The following TRERF1 variants were observed in gnomAD, a reference collection of about 807,000 sequenced individuals.
The protein encoded by TRERF1 is transcriptional regulating factor 1.
Under a neutral mutation model 122.9 loss-of-function variants are expected in TRERF1, and 27 were observed. The observed-to-expected ratio is 0.22, with a 90% CI of 0.16 to 0.30. The LOEUF (loss-of-function observed/expected upper bound fraction) is 0.30, where lower values mean the gene tolerates loss of function less well. Ranked by LOEUF, TRERF1 falls within the 10% of genes least tolerant of loss-of-function variation. TRERF1 has a pLI of 1.00. For missense variants in TRERF1, 1,248 were observed against 1,560.3 expected, an observed-to-expected ratio of 0.80 and a Z score of 3.37; for synonymous variants, 636 against 641.7, an observed-to-expected ratio of 0.99 and a Z score of 0.13.
At position 42,307,963 on chromosome 6, in the gene TRERF1, TC is replaced by T. The variant is rs1476687823; in HGVS notation, c.-370-7215del. ...GTTGGCCACAACCAAAAACACAAAA[TC>T]ACAAGTGTTGACCTGGAAGTGGAGA... On this transcript the variant is annotated intron_variant, in intron 3 of 17. Transcript: ENST00000372922. Among the ~76,000 whole-genome samples, 3 of 152,126 alleles carry T rather than the reference TC, an allele frequency of 2.0e-5. No homozygotes were observed. In the East Asian group the frequency reaches 5.8e-4, roughly 29 times the overall value.
intron 15 of TRERF1, among the ~76,000 whole-genome samples, chr6:42,238,536 A>G (rs1341353267): frequency 6.6e-6 from 1 of 152,228 alleles, no homozygotes; most frequent in Non-Finnish European, 1.5e-5. Context: ...TTTATGATAT[A>G]TTGTGAAACA....
intron 3 of TRERF1, among the ~76,000 whole-genome samples, chr6:42,314,163 T>C (rs749182961): frequency 2.0e-5 from 3 of 152,050 alleles, no homozygotes; most frequent in Admixed American, 6.6e-5. Flanking sequence ...CAAATGCATG[T>C]ACATATTAGG....
intron 4 of TRERF1, among the ~76,000 whole-genome samples, chr6:42,278,371 C>A (rs1379976319): frequency 6.6e-6 from 1 of 152,258 alleles, no homozygotes; most frequent in East Asian, 1.9e-4. Context: ...CTCTGGGAGA[C>A]TAGAATGGAA....
chr6:42,283,340 T>G (rs1351284414), intron 4 of TRERF1, among the ~76,000 whole-genome samples: 2 of 152,122 alleles, frequency 1.3e-5, no homozygotes, highest in Non-Finnish European at 2.9e-5. Flanking sequence ...CAAATAAGTT[T>G]AGAGAGTAGG....
rs780261233 is a variant in TRERF1 at position 42,232,853 on chromosome 6, T to A, written c.3106A>T (p.Ile1036Phe). 1 of 1,610,636 alleles carries A rather than the reference T, an allele frequency of 6.2e-7. No individual in the cohort carries two copies. Among genetic ancestry groups the A allele is most frequent in the Non-Finnish European group, 8.5e-7 (1 of 1,178,462 alleles). The change falls in exon 17 of 18, where the codon ATC becomes TTC. Residue 1036 changes from isoleucine to phenylalanine, a missense_variant. By Grantham distance (21) the Ile-to-Phe change is conservative. Around this residue, in one of 5 missense-constraint regions of TRERF1, gnomAD observed 159 missense variants for 221.7 expected, o/e 0.72. Coordinates refer to ENST00000372922, the Ensembl canonical transcript of TRERF1. This position sits in a 1 kb window ranked among gnomAD's most constrained non-coding sequence, Gnocchi z 4.5. ...GTCACCTGGTTGGTGCCCCCGTGGA[T>A]GCGGGCATGGCCATTCAGTGCCTGT...
At chr6:42,419,043 C>T (rs541313438) in intron 2 of TRERF1, among the ~76,000 whole-genome samples, 1 of 152,330 alleles carries the variant, frequency 6.6e-6, no homozygotes, top group South Asian at 2.1e-4. Context: ...TACGTTACAA[C>T]CCGGGTCAAG....
At chr6:42,403,410 C>G (rs889669448) in intron 2 of TRERF1, among the ~76,000 whole-genome samples, 8 of 152,110 alleles carry the variant, frequency 5.3e-5, no homozygotes, top group African/African-American at 1.7e-4. Context: ...TACACACACA[C>G]TCACGGAGAA....
chr6:42,371,483 G>A (rs186454716), intron 2 of TRERF1, among the ~76,000 whole-genome samples: 21 of 152,256 alleles, frequency 1.4e-4, no homozygotes, highest in Non-Finnish European at 2.1e-4. Flanking sequence ...GCAGACTGAG[G>A]TCCTCCCAAT....
intron 2 of TRERF1, among the ~76,000 whole-genome samples, chr6:42,397,403 AATATTGATTAAGATAT>A (rs1778782515): frequency 6.6e-6 from 1 of 152,234 alleles, no homozygotes; most frequent in Admixed American, 6.5e-5. Flanking sequence ...ATCACTGATT[AATATTGATTAAGATAT>A]TATTCAATAT....
At chr6:42,343,407 C>T (rs1046582137) in intron 3 of TRERF1, among the ~76,000 whole-genome samples, 1 of 152,188 alleles carries the variant, frequency 6.6e-6, no homozygotes, top group Non-Finnish European at 1.5e-5. Flanking sequence ...GTTATTTTAA[C>T]TCTATGTAGC....
At chr6:42,226,071 T>C (rs575002898) in exon 18 of TRERF1, 9 of 152,340 alleles carry the variant, frequency 5.9e-5, no homozygotes, top group African/African-American at 2.2e-4. Context: ...GTCCATTCTT[T>C]AAGTTGATAG....
At position 42,387,794 on chromosome 6, in the gene TRERF1, T is replaced by TTTTTA. The variant is rs539342079; in HGVS notation, c.-453-24720_-453-24716dup. Among the ~76,000 whole-genome samples the TTTTTA allele has an allele frequency of 3.1e-3, 470 of 151,288 alleles. 2 individuals carry two copies. The highest frequency in any genetic ancestry group is 5.4e-3 in the African/African-American group (222 of 40,962). On this transcript the variant is annotated intron_variant, in intron 2 of 17. Transcript: ENST00000372922. ...ACATCAGTAAACCAAGATGCTACCT[T>TTTTTA]TTTTATTTTATTTTATTTTATTTTA...
intron 3 of TRERF1, among the ~76,000 whole-genome samples, chr6:42,322,076 C>G (rs1266151815): frequency 6.6e-6 from 1 of 152,076 alleles, no homozygotes; most frequent in East Asian, 1.9e-4. Context: ...GGTAAGAACG[C>G]AAATACTGCC....
chr6:42,298,425 G>T (rs957563051), intron 4 of TRERF1, among the ~76,000 whole-genome samples: 1 of 151,808 alleles, frequency 6.6e-6, no homozygotes, highest in African/African-American at 2.4e-5. Context: ...CAAAGTGCTG[G>T]GATTACAGGT....
intron 2 of TRERF1, among the ~76,000 whole-genome samples, chr6:42,387,350 G>T (rs1776976046): frequency 6.6e-6 from 1 of 152,200 alleles, no homozygotes; most frequent in African/African-American, 2.4e-5. Context: ...GCCTGCCTAA[G>T]GGCCGAGAAG....
intron 3 of TRERF1, among the ~76,000 whole-genome samples, chr6:42,358,309 C>T (rs1453408798): frequency 2.6e-5 from 4 of 152,314 alleles, no homozygotes; most frequent in South Asian, 2.1e-4. Flanking sequence ...GCAGGGTAAA[C>T]GGCTCCTTCC....
chr6:42,330,867 TG>T (rs1562003025), intron 3 of TRERF1, among the ~76,000 whole-genome samples: 1 of 151,888 alleles, frequency 6.6e-6, no homozygotes, highest in African/African-American at 2.4e-5. Flanking sequence ...TTAGTAGAAA[TG>T]GGGTTTCACC....
intron 3 of TRERF1, among the ~76,000 whole-genome samples, chr6:42,342,422 C>T (rs565809970): frequency 6.6e-6 from 1 of 152,296 alleles, no homozygotes; most frequent in East Asian, 1.9e-4. Flanking sequence ...CCAGCCCCTA[C>T]TCATGGCAGA....
intron 2 of TRERF1, among the ~76,000 whole-genome samples, chr6:42,386,233 C>G (rs1427580617): frequency 6.6e-6 from 1 of 152,038 alleles, no homozygotes; most frequent in Non-Finnish European, 1.5e-5. Context: ...GGGGTTTTGC[C>G]ATGTTATCAG....
Sources: gnomAD v4.1 joint callset for allele counts (sites outside exome capture counted in the v4.1 genomes callset) on GRCh38, gnomAD v4.1.1 for gene constraint, gnomAD v4.1.1 regional missense constraint, Gnocchi (gnomAD v3.1) non-coding constraint, MANE v1.5 for transcripts, NCBI Gene and HGNC (gene_info 2026-07-23, HGNC 2026-07-21) for gene names.